Variants in DDR2 observed in about 807,000 individuals in gnomAD.
DDR2 encodes the protein discoidin domain-containing receptor 2.
A neutral mutation model predicts 94.9 loss-of-function variants in DDR2; 27 were observed. That is an observed-to-expected ratio of 0.28 (90% CI 0.21 to 0.39). The LOEUF (loss-of-function observed/expected upper bound fraction) is 0.39. Ranked by LOEUF, DDR2 falls within the 10% of genes least tolerant of loss-of-function variation. DDR2 has a pLI of 1.00. For missense variants in DDR2, 783 were observed against 1,076.0 expected (o/e 0.73, Z 3.81); for synonymous variants, 382 against 377.2 (o/e 1.01, Z -0.15).
chr1:162,703,550 T>A (rs1409954753), intron 2 of DDR2, among the ~76,000 whole-genome samples: 5 of 152,030 alleles, frequency 3.3e-5, no homozygotes, highest in African/African-American at 1.2e-4. Context: ...GTAGAAGAGA[T>A]TAAGAATGTT....
rs201827953 is a variant in DDR2 at position 162,656,858 on chromosome 1, TG to T, written c.-28+1485del. On this transcript the variant is annotated intron_variant, in intron 2 of 17. Coordinates refer to ENST00000367921, the MANE Select transcript of DDR2 (RefSeq NM_006182.4). Reference sequence around the variant, plus strand: ...GTTTTTTTTTTTTTTTTATTTTTTTTGTTAACAGGGTTTTGCTCTGTCACCC... The same window carrying T: ...GTTTTTTTTTTTTTTTTATTTTTTTTTTAACAGGGTTTTGCTCTGTCACCC... 7.1e-4 allele frequency among the ~76,000 whole-genome samples: 98 copies of T among 137,226 alleles called. 13 individuals carry two copies. In the South Asian group the frequency reaches 0.011, roughly 16 times the overall value. 90.0% of individuals were successfully genotyped at this position (137,226 alleles called of 152,430 possible).
intron 2 of DDR2, among the ~76,000 whole-genome samples, chr1:162,662,198 T>TATTC (rs765591669): frequency 4.9e-4 from 75 of 152,338 alleles, no homozygotes; most frequent in African/African-American, 1.5e-3. Context: ...AAGTACAATG[T>TATTC]ATTCATTCAT....
chr1:162,650,135 A>G (rs1019584685), intron 1 of DDR2, among the ~76,000 whole-genome samples: 1 of 152,178 alleles, frequency 6.6e-6, no homozygotes, highest in African/African-American at 2.4e-5. Flanking sequence ...GCATTTATGT[A>G]GTTGAAGTTC....
intron 2 of DDR2, among the ~76,000 whole-genome samples, chr1:162,663,034 T>C (rs1481172499): frequency 6.6e-6 from 1 of 152,170 alleles, no homozygotes; most frequent in East Asian, 1.9e-4. Flanking sequence ...ATTAATTTCA[T>C]TGCCCCTTTA....
Position 162,706,558 on chromosome 1 carries a change from G to A in DDR2, c.-27-12479G>A, listed in dbSNP as rs1660669719. 2.0e-5 allele frequency among the ~76,000 whole-genome samples: 3 copies of A among 152,278 alleles called. No individual in the cohort carries two copies. The South Asian group carries it at 6.2e-4, about 32-fold the overall frequency. ...TTCTGCAGGAGAGGTGGAGTTGCTG[G>A]GAGGTTAGACCCAAGCAAGGGCATT... On this transcript the variant is annotated intron_variant, in intron 2 of 17. Transcript: ENST00000367921.
At chr1:162,704,203 G>A (rs1660553768) in intron 2 of DDR2, among the ~76,000 whole-genome samples, 3 of 152,110 alleles carry the variant, frequency 2.0e-5, no homozygotes, top group African/African-American at 7.2e-5. Flanking sequence ...GGGGTAGATG[G>A]GATATAGATA....
intron 11 of DDR2, among the ~76,000 whole-genome samples, chr1:162,769,163 G>C (rs923684395): frequency 2.0e-5 from 3 of 152,208 alleles, no homozygotes; most frequent in Non-Finnish European, 2.9e-5. Flanking sequence ...GGCTAAGAGA[G>C]AAATGTTGGA....
intron 3 of DDR2, among the ~76,000 whole-genome samples, chr1:162,721,096 C>T (rs1234625242): frequency 6.6e-6 from 1 of 152,110 alleles, no homozygotes; most frequent in East Asian, 1.9e-4. Flanking sequence ...TTGGTTGCCT[C>T]CTACTACATT....
intron 2 of DDR2, among the ~76,000 whole-genome samples, chr1:162,700,299 T>G (rs1660372597): frequency 6.6e-6 from 1 of 152,186 alleles, no homozygotes. Context: ...CAGCCTTGGA[T>G]CCTACCCAGG....
chr1:162,725,815 A>C (rs1329341223), intron 3 of DDR2, among the ~76,000 whole-genome samples: 1 of 152,262 alleles, frequency 6.6e-6, no homozygotes, highest in Non-Finnish European at 1.5e-5. Context: ...TAATGTGTGA[A>C]GACAAAAGTA....
chr1:162,720,514 A>G (rs1193255999), intron 3 of DDR2, among the ~76,000 whole-genome samples: 1 of 144,962 alleles, frequency 6.9e-6, no homozygotes, highest in Non-Finnish European at 1.5e-5. Context: ...TCATTGTTGT[A>G]TATTACTTTG....
At chr1:162,691,004 C>T (rs2101976108) in intron 2 of DDR2, among the ~76,000 whole-genome samples, 1 of 152,318 alleles carries the variant, frequency 6.6e-6, no homozygotes, top group Non-Finnish European at 1.5e-5. Flanking sequence ...ATTCCTTTTA[C>T]TGAAAACCTC....
chr1:162,637,029 TATC>T (rs529367576), intron 1 of DDR2, among the ~76,000 whole-genome samples: 6 of 152,294 alleles, frequency 3.9e-5, no homozygotes, highest in South Asian at 2.1e-4. Context: ...CTATTAAAAA[TATC>T]ATAGCATCCT....
chr1:162,730,652 G>T (rs1031041585), intron 3 of DDR2, among the ~76,000 whole-genome samples: 1 of 152,148 alleles, frequency 6.6e-6, no homozygotes, highest in African/African-American at 2.4e-5. Context: ...TTCATTCTGG[G>T]TAGCTGGTAG....
intron 2 of DDR2, among the ~76,000 whole-genome samples, chr1:162,693,791 T>G (rs1201618422): frequency 6.6e-6 from 1 of 152,114 alleles, no homozygotes; most frequent in Non-Finnish European, 1.5e-5. Flanking sequence ...TGAAGAACAT[T>G]CCAGGCAGAG....
intron 2 of DDR2, among the ~76,000 whole-genome samples, chr1:162,666,490 T>C (rs1658574129): frequency 6.6e-6 from 1 of 152,198 alleles, no homozygotes; most frequent in Non-Finnish European, 1.5e-5. Context: ...TGATGGATCA[T>C]TGCTCTGACT....
chr1:162,757,086 T>C (rs1008410447), intron 7 of DDR2, among the ~76,000 whole-genome samples: 1 of 152,152 alleles, frequency 6.6e-6, no homozygotes, highest in Non-Finnish European at 1.5e-5. Context: ...CTATGACTGC[T>C]CTGGGGTTCA....
chr1:162,766,420 C>G (rs1663991237), intron 10 of DDR2, among the ~76,000 whole-genome samples: 3 of 152,136 alleles, frequency 2.0e-5, no homozygotes, highest in African/African-American at 7.2e-5. Context: ...GCTGATATCT[C>G]CAATTGGAGA....
intron 2 of DDR2, among the ~76,000 whole-genome samples, chr1:162,683,532 A>G (rs1001200588): frequency 6.6e-6 from 1 of 152,200 alleles, no homozygotes; most frequent in South Asian, 2.1e-4. Context: ...TTGTACGTCT[A>G]CATACCTATA....
Sources: gnomAD v4.1 joint callset for allele counts (sites outside exome capture counted in the v4.1 genomes callset) on GRCh38, gnomAD v4.1.1 for gene constraint, MANE v1.5 for transcripts, NCBI Gene and HGNC (gene_info 2026-07-23, HGNC 2026-07-21) for gene names.